The following PHACTR1 variants were observed in gnomAD, a reference collection of about 807,000 sequenced individuals.
PHACTR1 encodes the protein phosphatase and actin regulator 1, also known as RPEL repeat containing 1.
Under a neutral mutation model 69.2 loss-of-function variants are expected in PHACTR1, and 16 were observed. That is an observed-to-expected ratio of 0.23 (90% CI 0.16 to 0.35). PHACTR1 has a LOEUF of 0.35. PHACTR1 is among the 10% of genes least tolerant of loss of function. PHACTR1 has a pLI of 1.00. For missense variants in PHACTR1, 510 were observed against 734.7 expected (o/e 0.69, Z 3.54); for synonymous variants, 312 against 284.5 (o/e 1.10, Z -0.97).
rs569262697 is a variant in PHACTR1, at chr6:12,857,473, C to T, written c.250+107683C>T. ...CAAAAATTAGCTGTGTGTGGTGGTGCGTGCCTTTATTCCCAGCTACTAGGG... is the reference window on the plus strand; with the variant it reads ...CAAAAATTAGCTGTGTGTGGTGGTGTGTGCCTTTATTCCCAGCTACTAGGG... On this transcript the variant is annotated intron_variant, in intron 4 of 14. Transcript: ENST00000332995. Among the ~76,000 whole-genome samples, 10 of 151,930 alleles carry T rather than the reference C, an allele frequency of 6.6e-5. No homozygotes were observed. The South Asian group carries it at 8.3e-4, about 13-fold the overall frequency.
chr6:13,245,140 A>C lies in PHACTR1; in HGVS notation c.1391+14947A>C, dbSNP rs146484670. ...GTGGGCAGTGAATAGTGCTGTGATG[A>C]ACACACATGTGCATGTGTCTTTATG... On this transcript the variant is annotated intron_variant, in intron 10 of 14. Transcript: ENST00000332995. This position sits in a 1 kb window ranked among gnomAD's most constrained non-coding sequence, Gnocchi z 4.1. Among the ~76,000 whole-genome samples, 811 of 152,298 alleles carry C rather than the reference A, an allele frequency of 5.3e-3. 12 individuals carry two copies. The highest frequency in any genetic ancestry group is 0.019 in the African/African-American group (777 of 41,554).
At chr6:12,950,629 A>G (rs1562045245) in intron 4 of PHACTR1, among the ~76,000 whole-genome samples, 1 of 152,238 alleles carries the variant, frequency 6.6e-6, no homozygotes, top group East Asian at 1.9e-4. Flanking sequence ...TAACTGTACA[A>G]AAGGGGCATT....
intron 5 of PHACTR1, among the ~76,000 whole-genome samples, chr6:13,124,555 G>A (rs1227286255): frequency 6.6e-6 from 1 of 152,090 alleles, no homozygotes; most frequent in Non-Finnish European, 1.5e-5. Context: ...TTTATCCTTA[G>A]TCAAATATTG....
At chr6:13,200,003 T>G (rs1017829635) in intron 7 of PHACTR1, among the ~76,000 whole-genome samples, 1 of 152,336 alleles carries the variant, frequency 6.6e-6, no homozygotes, top group East Asian at 1.9e-4. Flanking sequence ...ATTGCTCTTT[T>G]ACTTTTTACA....
In PHACTR1 at chr6:13,006,915, G is replaced by T. The variant is rs770673177; in HGVS notation, c.251-46450G>T. ...GTCAGAATGGCCCCACTCACAAAGG[G>T]TTCTGGCTGTGCCAACTGCAATCCT... On this transcript the variant is annotated intron_variant, in intron 4 of 14. Coordinates refer to ENST00000332995, the MANE Select transcript of PHACTR1 (RefSeq NM_030948.6). 3.2e-4 allele frequency among the ~76,000 whole-genome samples: 48 copies of T among 152,214 alleles called. 2 individuals carry two copies. Among genetic ancestry groups the T allele is most frequent in the Admixed American group, 6.5e-5 (1 of 15,284 alleles).
chr6:12,817,824 A>ATTT (rs1235021628), intron 4 of PHACTR1, among the ~76,000 whole-genome samples: 1 of 142,196 alleles, frequency 7.0e-6, no homozygotes, highest in Non-Finnish European at 1.5e-5. Context: ...GTTTACTTTA[A>ATTT]TTTTTTTTTT....
chr6:13,157,578 G>T (rs1197597207), intron 5 of PHACTR1, among the ~76,000 whole-genome samples: 2 of 152,196 alleles, frequency 1.3e-5, no homozygotes, highest in Non-Finnish European at 2.9e-5. Context: ...AATAGCTCAG[G>T]ATCTTGGACC....
chr6:13,042,823 C>A (rs1446503981), intron 4 of PHACTR1, among the ~76,000 whole-genome samples: 1 of 152,058 alleles, frequency 6.6e-6, no homozygotes, highest in Non-Finnish European at 1.5e-5. Context: ...TTAGTATATG[C>A]CTATTTATCT....
chr6:13,006,948 G>A (rs1798870306), intron 4 of PHACTR1, among the ~76,000 whole-genome samples: 1 of 152,192 alleles, frequency 6.6e-6, no homozygotes, highest in Admixed American at 6.5e-5. Context: ...CCTACCATGT[G>A]CCTGAAGACA....
chr6:13,088,816 CAG>C (rs995785705), intron 5 of PHACTR1, among the ~76,000 whole-genome samples: 18 of 152,166 alleles, frequency 1.2e-4, no homozygotes, highest in African/African-American at 4.3e-4. Flanking sequence ...TGCAGGAAAA[CAG>C]GGATACAATG....
intron 6 of PHACTR1, among the ~76,000 whole-genome samples, chr6:13,168,473 A>G (rs1337186072): frequency 6.6e-6 from 1 of 152,244 alleles, no homozygotes. Context: ...TATGTCTGTG[A>G]GTGCCTGTTG....
chr6:13,006,894 G>C (rs1405295007), intron 4 of PHACTR1, among the ~76,000 whole-genome samples: 1 of 152,182 alleles, frequency 6.6e-6, no homozygotes, highest in African/African-American at 2.4e-5. Context: ...TTATAGGTCA[G>C]AATGGCCCCA....
chr6:13,148,526 A>G (rs192209951), intron 5 of PHACTR1, among the ~76,000 whole-genome samples: 7 of 152,340 alleles, frequency 4.6e-5, no homozygotes, highest in African/African-American at 1.7e-4. Context: ...ATCAAAATTC[A>G]TGAAGAATGC....
At chr6:12,774,260 C>T (rs1769751692) in intron 4 of PHACTR1, among the ~76,000 whole-genome samples, 2 of 152,128 alleles carry the variant, frequency 1.3e-5, no homozygotes, top group Non-Finnish European at 1.5e-5. Context: ...TTGTAAAGTG[C>T]TCTCAGATCT....
At chr6:13,139,112 C>CG (rs1822004803) in intron 5 of PHACTR1, among the ~76,000 whole-genome samples, 1 of 93,146 alleles carries the variant, frequency 1.1e-5, no homozygotes, top group Non-Finnish European at 2.3e-5. Flanking sequence ...TTGCTATTTG[C>CG]CTTTTTTTTT....
intron 4 of PHACTR1, among the ~76,000 whole-genome samples, chr6:13,001,453 A>C (rs919682724): frequency 1.3e-5 from 2 of 152,210 alleles, no homozygotes; most frequent in African/African-American, 4.8e-5. Context: ...ACACGAGGAC[A>C]GTGCAAATGG....
chr6:13,249,577 T>A (rs564380158), intron 10 of PHACTR1, among the ~76,000 whole-genome samples: 1 of 152,282 alleles, frequency 6.6e-6, no homozygotes, highest in East Asian at 1.9e-4. Flanking sequence ...GGCAGGTGGA[T>A]CACCTAAGGT....
At chr6:12,857,250 T>C (rs1444873459) in intron 4 of PHACTR1, among the ~76,000 whole-genome samples, 1 of 152,202 alleles carries the variant, frequency 6.6e-6, no homozygotes, top group African/African-American at 2.4e-5. Context: ...TCAAATGTTA[T>C]TCTACAAGAA....
intron 4 of PHACTR1, among the ~76,000 whole-genome samples, chr6:12,912,078 A>G (rs1582442017): frequency 6.7e-6 from 1 of 149,490 alleles, no homozygotes; most frequent in Non-Finnish European, 1.5e-5. Flanking sequence ...GCTCACTGCA[A>G]CCTCCGCCTC....
Sources: gnomAD v4.1 joint callset for allele counts (sites outside exome capture counted in the v4.1 genomes callset) on GRCh38, gnomAD v4.1.1 for gene constraint, Gnocchi (gnomAD v3.1) non-coding constraint, MANE v1.5 for transcripts, NCBI Gene and HGNC (gene_info 2026-07-23, HGNC 2026-07-21) for gene names.